DPY19L1: variants seen among roughly 807,000 people sequenced by gnomAD.
DPY19L1 encodes the protein dpy-19 like C-mannosyltransferase 1, also known as protein C-mannosyl-transferase DPY19L1.
Under a neutral mutation model 96.9 loss-of-function variants are expected in DPY19L1, and 35 were observed. The observed-to-expected ratio is 0.36, with a 90% CI of 0.28 to 0.48. The LOEUF is 0.48. Among genes scored for constraint, DPY19L1 ranks in the 20% least tolerant of loss-of-function variants. The pLI, the probability that DPY19L1 is intolerant of heterozygous loss-of-function variation, is 0.99. For synonymous variants in DPY19L1, 205 were observed against 252.6 expected, an observed-to-expected ratio of 0.81 and a Z score of 1.79; for missense variants, 521 against 777.9, an observed-to-expected ratio of 0.67 and a Z score of 3.93.
intron 6 of DPY19L1, among the ~76,000 whole-genome samples, chr7:35,005,121 C>G (rs61400153): frequency 2.1e-3 from 313 of 152,172 alleles, no homozygotes; most frequent in African/African-American, 6.6e-3. Flanking sequence ...ATAATTCTAC[C>G]ATATTTCTCT....
At chr7:34,965,360 G>A (rs1784587202) in intron 10 of DPY19L1, among the ~76,000 whole-genome samples, 2 of 152,012 alleles carry the variant, frequency 1.3e-5, no homozygotes, top group African/African-American at 4.8e-5. Context: ...AAATCTGAGT[G>A]AAAAAATGGT....
At chr7:34,995,758 AAAGAG>A (rs1210145625) in intron 6 of DPY19L1, among the ~76,000 whole-genome samples, 1 of 152,186 alleles carries the variant, frequency 6.6e-6, no homozygotes, top group African/African-American at 2.4e-5. Flanking sequence ...AATGCTTAAG[AAAGAG>A]AAAATGGAGA....
intron 1 of DPY19L1, among the ~76,000 whole-genome samples, chr7:35,030,679 T>G (rs756310497): frequency 2.0e-5 from 3 of 151,938 alleles, no homozygotes; most frequent in African/African-American, 7.3e-5. Context: ...AGGAAAAAAA[T>G]AATAGTGAGA....
At chr7:34,934,326 C>T (rs1783820154) in intron 21 of DPY19L1, among the ~76,000 whole-genome samples, 1 of 152,064 alleles carries the variant, frequency 6.6e-6, no homozygotes, top group Non-Finnish European at 1.5e-5. Context: ...GTTGTTTTTA[C>T]AAAAATGGAA....
intron 7 of DPY19L1, among the ~76,000 whole-genome samples, chr7:34,977,835 AATGT>A (rs1784860661): frequency 6.6e-6 from 1 of 152,168 alleles, no homozygotes; most frequent in Admixed American, 6.5e-5. Context: ...GGGTTATACA[AATGT>A]ATGTTGTTTC....
At chr7:35,012,384 T>A (rs1356786103) in intron 4 of DPY19L1, among the ~76,000 whole-genome samples, 2 of 152,190 alleles carry the variant, frequency 1.3e-5, no homozygotes, top group African/African-American at 4.8e-5. Context: ...ACTTCCTGCA[T>A]GCAAATCTCC....
At chr7:35,019,004 T>C (rs947286288) in intron 1 of DPY19L1, among the ~76,000 whole-genome samples, 1 of 152,136 alleles carries the variant, frequency 6.6e-6, no homozygotes, top group Non-Finnish European at 1.5e-5. Flanking sequence ...ACTGCTGCAA[T>C]GCCTGAAATT....
chr7:34,954,324 G>GA (rs1185469961), intron 13 of DPY19L1, among the ~76,000 whole-genome samples: 1 of 151,944 alleles, frequency 6.6e-6, no homozygotes, highest in Non-Finnish European at 1.5e-5. Flanking sequence ...AAACTGGAGA[G>GA]AAAAAAGAAT....
chr7:34,972,324 C>T (rs1484014061), intron 8 of DPY19L1, among the ~76,000 whole-genome samples: 1 of 152,210 alleles, frequency 6.6e-6, no homozygotes, highest in Non-Finnish European at 1.5e-5. Flanking sequence ...CAACAGGAAA[C>T]TAACACTACC....
chr7:34,989,904 A>G lies in DPY19L1; in HGVS notation c.802T>C (p.Phe268Leu), dbSNP rs369425672. 3 of 1,605,994 alleles carry G rather than the reference A, an allele frequency of 1.9e-6. No homozygotes were observed. The highest frequency in any genetic ancestry group is 2.5e-6 in the Non-Finnish European group (3 of 1,177,502). The change falls in exon 7 of 22, where the codon TTC (phenylalanine) becomes CTC (leucine). Residue 268 changes from phenylalanine (F) to leucine (L), a missense_variant. Coordinates refer to ENST00000638088, the MANE Select transcript of DPY19L1 (RefSeq NM_001366673.1). ...RLGGLVTVLC[F>L]FFNHGECTRV... is the part of the protein sequence containing the mutation. ...CCTACCTCTCCATGATTGAAAAAGAAGCACAACACTGTAACCAGGCCTCCT... is the reference window on the plus strand; with the variant it reads ...CCTACCTCTCCATGATTGAAAAAGAGGCACAACACTGTAACCAGGCCTCCT...
intron 3 of DPY19L1, among the ~76,000 whole-genome samples, chr7:35,016,414 T>C (rs1785849436): frequency 6.6e-6 from 1 of 152,248 alleles, no homozygotes; most frequent in African/African-American, 2.4e-5. Context: ...TTTTTCTGAA[T>C]ATTAGTAAAT....
chr7:34,996,541 C>T (rs1785288399), intron 6 of DPY19L1, among the ~76,000 whole-genome samples: 1 of 152,120 alleles, frequency 6.6e-6, no homozygotes, highest in Admixed American at 6.5e-5. Flanking sequence ...CACTTCCCTC[C>T]ATCCCACCAC....
chr7:35,023,893 T>C (rs372765503), intron 1 of DPY19L1, among the ~76,000 whole-genome samples: 2 of 145,128 alleles, frequency 1.4e-5, no homozygotes, highest in East Asian at 4.0e-4. Flanking sequence ...TGGAGTACAG[T>C]GGCTTGATCT....
rs10282006 is a variant in DPY19L1 at position 35,018,565 on chromosome 7, A to G, written c.323+7T>C. On this transcript the variant is annotated splice_region_variant and intron_variant, in intron 2 of 21. Coordinates refer to ENST00000638088, the MANE Select transcript of DPY19L1 (RefSeq NM_001366673.1). ...TAAAATACCATAGGAGAAAAAAACA[A>G]TCTTACCAGTGCAACACTGCTGCAA... 0.27 allele frequency: 431,770 copies of G among 1,603,336 alleles called. 61,054 individuals carry two copies. The highest frequency in any genetic ancestry group is 0.29 in the Non-Finnish European group (341,436 of 1,173,444).
Position 34,932,791 on chromosome 7 carries a change from T to A in DPY19L1, c.2091-1062A>T, listed in dbSNP as rs947749052. ...CTGCTATCTACCTTTTGAGGAATTT[T>A]AAAAAACAGAAAAACATGGGAAAAT... On this transcript the variant is annotated intron_variant, in intron 21 of 21. Coordinates refer to ENST00000638088, the MANE Select transcript of DPY19L1 (RefSeq NM_001366673.1). Among the ~76,000 whole-genome samples, 7 of 152,190 alleles carry A rather than the reference T, an allele frequency of 4.6e-5. No homozygotes were observed. The South Asian group carries it at 8.3e-4, about 18-fold the overall frequency.
In DPY19L1 at chr7:34,929,047, C is replaced by G. The variant is rs935503766; in HGVS notation, c.*2526G>C. On this transcript the variant is annotated 3_prime_UTR_variant, in exon 22 of 22. Transcript: ENST00000638088. ...TATTTTAACACTATATTTTTTTTGC[C>G]AAGCATTTTTAGAGGCTTATCTTTT... 1 of 151,806 alleles carries G rather than the reference C, an allele frequency of 6.6e-6. No individual in the cohort carries two copies. Among genetic ancestry groups the G allele is most frequent in the African/African-American group, 2.4e-5 (1 of 41,336 alleles). 9.4% of individuals were successfully genotyped at this position (151,806 alleles called of 1,614,324 possible).
In DPY19L1 at chr7:34,967,042, C is replaced by T; in HGVS notation, c.1015-71G>A. ...GCTACAAGAATGAAGAATATATTTA[C>T]TGTTGTTTCAACTGATTTATATCTA... On this transcript the variant is annotated intron_variant, in intron 9 of 21. Coordinates refer to ENST00000638088, the MANE Select transcript of DPY19L1 (RefSeq NM_001366673.1). 5 of 1,199,766 alleles carry T rather than the reference C, an allele frequency of 4.2e-6. No homozygotes were observed. The South Asian group carries it at 6.5e-5, about 16-fold the overall frequency. The allele number at this position is 1,199,766 out of a possible 1,614,324, so 74.3% of individuals were successfully genotyped here.
intron 7 of DPY19L1, among the ~76,000 whole-genome samples, chr7:34,983,598 A>T (rs1784985971): frequency 6.6e-6 from 1 of 151,926 alleles, no homozygotes; most frequent in Admixed American, 6.6e-5. Flanking sequence ...TGATAATAGC[A>T]GACTGCATGC....
In DPY19L1 at chr7:34,948,903, T is replaced by G. The variant is rs373884755; in HGVS notation, c.1422+894A>C. On this transcript the variant is annotated intron_variant, in intron 14 of 21. Transcript: ENST00000638088. Reference sequence around the variant, plus strand: ...TCTGCAGAACACACTCAACTCCAAATGGCCGGTAGATAAAAGTTTCCTGTG... The same window carrying G: ...TCTGCAGAACACACTCAACTCCAAAGGGCCGGTAGATAAAAGTTTCCTGTG... Among the ~76,000 whole-genome samples the G allele has an allele frequency of 3.4e-4, 52 of 152,360 alleles. 1 individual carries two copies. The East Asian group carries it at 6.4e-3, about 19-fold the overall frequency.
Sources: allele counts gnomAD v4.1 joint callset (sites outside exome capture counted in the v4.1 genomes callset), GRCh38; gene constraint gnomAD v4.1.1; transcripts MANE v1.5; gene names NCBI Gene and HGNC (gene_info 2026-07-23, HGNC 2026-07-21).